Variants in MAMLD1 observed in about 807,000 individuals in gnomAD.
The protein encoded by MAMLD1 is mastermind like domain containing 1.
A neutral mutation model predicts 45.0 loss-of-function variants in MAMLD1; 14 were observed. That is an observed-to-expected ratio of 0.31 (90% CI 0.21 to 0.49). The LOEUF (loss-of-function observed/expected upper bound fraction) is 0.49. Among genes scored for constraint, MAMLD1 ranks in the 20% least tolerant of loss-of-function variants. The pLI is 0.99. For synonymous variants in MAMLD1, 254 were observed against 247.8 expected, an observed-to-expected ratio of 1.02 and a Z score of -0.24; for missense variants, 543 against 603.6, an observed-to-expected ratio of 0.90 and a Z score of 1.05.
intron 2 of MAMLD1, among the ~76,000 whole-genome samples, chrX:150,460,960 C>T (rs1318932371): frequency 1.8e-5 from 2 of 112,542 alleles, no homozygotes; most frequent in Non-Finnish European, 3.8e-5. Context: ...CCTCAGGGAC[C>T]TCGCATCTGG....
chrX:150,477,748 G>C (rs782630177), intron 5 of MAMLD1, among the ~76,000 whole-genome samples: 63 of 111,940 alleles, frequency 5.6e-4, no homozygotes, highest in Non-Finnish European at 1.1e-3. Flanking sequence ...GCAGAGAGGA[G>C]GGGGAAGGAG....
rs1569564627 is a variant in MAMLD1 at position 150,398,335 on chromosome X, G to GAAGA, written c.-64+34807_-64+34810dup. 6.8e-4 allele frequency among the ~76,000 whole-genome samples: 52 copies of GAAGA among 76,724 alleles called. 1 individual carries two copies. The highest frequency in any genetic ancestry group is 2.5e-3 in the African/African-American group (52 of 21,060). The allele number at this position is 76,724 out of a possible 115,157, so 66.6% of individuals were successfully genotyped here. On this transcript the variant is annotated intron_variant, in intron 1 of 7. Coordinates refer to ENST00000370401, the MANE Select transcript of MAMLD1 (RefSeq NM_005491.5). The stretch of plus-strand genomic sequence containing the variant: ...AGAAGAAGAAGAAGAAGAAGAAGAA[G>GAAGA]AAGAAGAGGAAGAGGAAGAGGAAGA...
At chrX:150,367,417 T>C (rs1461187379) in intron 1 of MAMLD1, among the ~76,000 whole-genome samples, 1 of 111,949 alleles carries the variant, frequency 8.9e-6, no homozygotes, top group Non-Finnish European at 1.9e-5. Context: ...AGGCATAAAA[T>C]GCACCTGTTA....
rs782250974 is a variant in MAMLD1 at position 150,462,852 on chromosome X, C to CATA, written c.171+8_171+10dup. On this transcript the variant is annotated splice_region_variant and intron_variant, in intron 3 of 7. Transcript: ENST00000370401. ...GCCCAGGAAGAAAGCATCAGGTAAGCATAAGCTTACCAAAGCTGGGACCCA... is the reference window on the plus strand; with the variant it reads ...GCCCAGGAAGAAAGCATCAGGTAAGCATAATAAGCTTACCAAAGCTGGGACCCA... The CATA allele has an allele frequency of 3.4e-6, 4 of 1,189,848 alleles. No individual in the cohort carries two copies. In the African/African-American group the frequency reaches 7.0e-5, roughly 21 times the overall value.
chrX:150,497,877 C>G (rs781846014), intron 5 of MAMLD1, among the ~76,000 whole-genome samples: 4 of 111,278 alleles, frequency 3.6e-5, no homozygotes, highest in African/African-American at 1.3e-4. Context: ...TACCTAGGTT[C>G]TAGTCTAGGC....
At chrX:150,482,885 A>G (rs944730317) in intron 5 of MAMLD1, among the ~76,000 whole-genome samples, 3 of 112,566 alleles carry the variant, frequency 2.7e-5, no homozygotes, top group Admixed American at 9.4e-5. Flanking sequence ...GTAAACAAGA[A>G]CGGACATTAT....
intron 1 of MAMLD1, among the ~76,000 whole-genome samples, chrX:150,434,037 C>T (rs5970122): frequency 2.6e-3 from 286 of 111,315 alleles, no homozygotes; most frequent in Non-Finnish European, 3.6e-3. Context: ...TGGTCCTGGG[C>T]TTTTTTCTGG....
intron 1 of MAMLD1, among the ~76,000 whole-genome samples, chrX:150,440,238 A>G (rs1226376469): frequency 1.8e-5 from 2 of 110,842 alleles, no homozygotes; most frequent in African/African-American, 6.6e-5. Context: ...CAACTTGATC[A>G]TGGTATATAA....
intron 2 of MAMLD1, among the ~76,000 whole-genome samples, chrX:150,461,680 C>T (rs1033250783): frequency 9.0e-6 from 1 of 111,414 alleles, no homozygotes; most frequent in Admixed American, 9.5e-5. Context: ...CTGCATGGGA[C>T]GGAGAAGACC....
intron 6 of MAMLD1, chrX:150,509,526 G>A (rs1258518910): frequency 6.9e-6 from 1 of 144,411 alleles, no homozygotes. Flanking sequence ...AGACTCCTGT[G>A]GGTATAGTCT....
At chrX:150,444,599 G>A (rs1471596041) in intron 1 of MAMLD1, among the ~76,000 whole-genome samples, 1 of 111,738 alleles carries the variant, frequency 8.9e-6, no homozygotes, top group African/African-American at 3.3e-5. Context: ...GAGAGAATGG[G>A]GAAAAGTACT....
chrX:150,376,903 AC>A (rs2032344815), intron 1 of MAMLD1, among the ~76,000 whole-genome samples: 1 of 108,834 alleles, frequency 9.2e-6, no homozygotes. Flanking sequence ...ATCCCAAGCC[AC>A]CCCACCCTTA....
chrX:150,373,377 C>T (rs782332556), intron 1 of MAMLD1, among the ~76,000 whole-genome samples: 1 of 111,092 alleles, frequency 9.0e-6, no homozygotes, highest in Non-Finnish European at 1.9e-5. Flanking sequence ...TCCACCGAAG[C>T]TGATTTGTGG....
chrX:150,480,755 G>A (rs2148318393), intron 5 of MAMLD1, among the ~76,000 whole-genome samples: 1 of 112,365 alleles, frequency 8.9e-6, no homozygotes, highest in South Asian at 3.7e-4. Context: ...GGAGCTAGGT[G>A]CACAGGAAAA....
intron 1 of MAMLD1, among the ~76,000 whole-genome samples, chrX:150,383,853 A>G (rs1223504692): frequency 1.8e-5 from 2 of 111,985 alleles, no homozygotes; most frequent in Non-Finnish European, 3.8e-5. Flanking sequence ...AAATAAAACC[A>G]TAAGATAAAT....
chrX:150,427,515 G>A (rs1319690071), intron 1 of MAMLD1, among the ~76,000 whole-genome samples: 3 of 111,737 alleles, frequency 2.7e-5, no homozygotes, highest in South Asian at 7.5e-4. Flanking sequence ...ACTCCAGGTA[G>A]GACATGATGG....
intron 6 of MAMLD1, chrX:150,503,976 A>G: frequency 2.9e-6 from 2 of 688,039 alleles, no homozygotes; most frequent in African/African-American, 2.3e-5. Flanking sequence ...GTGCTCGGGA[A>G]CTGCCTCTCC....
At position 150,513,611 on chromosome X, in the gene MAMLD1, T is replaced by C. The variant is rs782081997; in HGVS notation, c.*1652T>C. 5 of 297,629 alleles carry C rather than the reference T, an allele frequency of 1.7e-5. No homozygotes were observed. Among genetic ancestry groups the C allele is most frequent in the Admixed American group, 6.0e-5 (1 of 16,695 alleles). 24.5% of individuals were successfully genotyped at this position (297,629 alleles called of 1,213,427 possible). ...ATTCTTAATCTCTTTTGCGAACCTT[T>C]CAGTCTCCGCTAGCTCTTTCCTAAT... On this transcript the variant is annotated 3_prime_UTR_variant, in exon 8 of 8. Transcript: ENST00000370401.
chrX:150,458,426 G>C (rs1161724083), intron 2 of MAMLD1, among the ~76,000 whole-genome samples: 1 of 111,453 alleles, frequency 9.0e-6, no homozygotes, highest in African/African-American at 3.3e-5. Context: ...CACAGAGAGA[G>C]GTAAGGTCAC....
Sources: gnomAD v4.1 joint callset for allele counts (sites outside exome capture counted in the v4.1 genomes callset) on GRCh38, gnomAD v4.1.1 for gene constraint, MANE v1.5 for transcripts, NCBI Gene and HGNC (gene_info 2026-07-23, HGNC 2026-07-21) for gene names.